Variants in FHOD3 observed in about 807,000 individuals in gnomAD.
FHOD3 encodes FH1/FH2 domain-containing protein 3.
FHOD3 carries 90 observed loss-of-function variants against 173.0 expected under a neutral mutation model. That is an observed-to-expected ratio of 0.52 (90% CI 0.44 to 0.62). FHOD3 has a LOEUF of 0.62. FHOD3 is among the 20% of genes least tolerant of loss of function. FHOD3 has a pLI of 0.00. For synonymous variants in FHOD3, 828 were observed against 823.0 expected (o/e 1.01, Z -0.10); for missense variants, 1,945 against 2,034.7 (o/e 0.96, Z 0.85).
intron 27 of FHOD3, among the ~76,000 whole-genome samples, chr18:36,761,667 A>G (rs1396854932): frequency 1.3e-5 from 2 of 151,858 alleles, no homozygotes; most frequent in African/African-American, 4.8e-5. Context: ...TCCTCTGGGC[A>G]CTGTCCCTAT....
rs74601605 is a variant in FHOD3 at position 36,518,946 on chromosome 18, G to A, written c.511+6403G>A. Among the ~76,000 whole-genome samples the A allele has an allele frequency of 6.2e-3, 951 of 152,322 alleles. 10 individuals are homozygous for A. The highest frequency in any genetic ancestry group is 0.022 in the African/African-American group (900 of 41,560). On this transcript the variant is annotated intron_variant, in intron 5 of 28. Coordinates refer to ENST00000590592, the MANE Select transcript of FHOD3 (RefSeq NM_001281740.3). ...CAGGGTGAACCAGCCACACTGCCCA[G>A]GAGTATGGTCAGGGGCAGGGAAGCT...
intron 7 of FHOD3, among the ~76,000 whole-genome samples, chr18:36,596,321 A>ATTTTTTTTTTTTTT (rs539907617): frequency 2.4e-4 from 14 of 57,494 alleles, no homozygotes; most frequent in South Asian, 9.4e-4. Flanking sequence ...TGCCCAGCTA[A>ATTTTTTTTTTTTTT]TTTTTTTTTT....
chr18:36,415,231 T>C (rs1428301034), intron 3 of FHOD3, among the ~76,000 whole-genome samples: 1 of 152,164 alleles, frequency 6.6e-6, no homozygotes, highest in Admixed American at 6.5e-5. Context: ...AATTCTGTGG[T>C]TAGTGCTAAT....
chr18:36,728,041 G>T (rs2041167048), intron 19 of FHOD3, among the ~76,000 whole-genome samples: 1 of 152,182 alleles, frequency 6.6e-6, no homozygotes, highest in Non-Finnish European at 1.5e-5. Flanking sequence ...GGAAGAAGGG[G>T]GATGAGCACA....
At chr18:36,298,034 ACTCAGCCC>A in intron 1 of FHOD3, 34 bp downstream of exon 1, 2 of 1,446,344 alleles carry the variant, frequency 1.4e-6, no homozygotes, top group Non-Finnish European at 1.8e-6. Flanking sequence ...GGCCCCCTGG[ACTCAGCCC>A]CCTGCCGCGG....
intron 3 of FHOD3, among the ~76,000 whole-genome samples, chr18:36,447,988 T>G (rs993876688): frequency 2.0e-5 from 3 of 152,104 alleles, no homozygotes; most frequent in African/African-American, 4.8e-5. Context: ...CTTTTGTGCC[T>G]TTGGACTTTT....
chr18:36,675,653 G>A (rs1220479856), intron 14 of FHOD3, among the ~76,000 whole-genome samples: 7 of 152,182 alleles, frequency 4.6e-5, no homozygotes, highest in Non-Finnish European at 1.0e-4. Context: ...AAACTCCTCT[G>A]TAGGTCCTTA....
At chr18:36,750,287 C>CA (rs908300096) in intron 24 of FHOD3, among the ~76,000 whole-genome samples, 3 of 151,858 alleles carry the variant, frequency 2.0e-5, no homozygotes, top group African/African-American at 7.3e-5. Flanking sequence ...GACTCCATCT[C>CA]AAAAAAAGAA....
intron 3 of FHOD3, among the ~76,000 whole-genome samples, chr18:36,390,550 C>T (rs1249544860): frequency 6.6e-6 from 1 of 152,192 alleles, no homozygotes; most frequent in Non-Finnish European, 1.5e-5. Flanking sequence ...TTTCTGCAAG[C>T]ACATTCTGTA....
chr18:36,444,334 C>T (rs1722872679), intron 3 of FHOD3, among the ~76,000 whole-genome samples: 1 of 151,698 alleles, frequency 6.6e-6, no homozygotes, highest in African/African-American at 2.4e-5. Flanking sequence ...ATTTGTAATA[C>T]AGTTAGATTC....
At chr18:36,315,523 C>T (rs1043439241) in intron 1 of FHOD3, among the ~76,000 whole-genome samples, 1 of 151,878 alleles carries the variant, frequency 6.6e-6, no homozygotes, top group African/African-American at 2.4e-5. Flanking sequence ...GGGGCTCCTG[C>T]AGAGGGCATG....
At chr18:36,369,425 GTTTTA>G (rs1237528571) in intron 2 of FHOD3, among the ~76,000 whole-genome samples, 2 of 121,908 alleles carry the variant, frequency 1.6e-5, no homozygotes, top group Non-Finnish European at 3.4e-5. Flanking sequence ...GATGTCCTTT[GTTTTA>G]TTTTATTTAA....
At chr18:36,718,934 A>G (rs2040609903) in intron 19 of FHOD3, among the ~76,000 whole-genome samples, 1 of 152,204 alleles carries the variant, frequency 6.6e-6, no homozygotes, top group South Asian at 2.1e-4. Context: ...CAGCTTACTT[A>G]TATTAGGCAA....
chr18:36,583,453 T>C (rs1017631795), intron 6 of FHOD3, among the ~76,000 whole-genome samples: 4 of 152,206 alleles, frequency 2.6e-5, no homozygotes, highest in African/African-American at 9.7e-5. Flanking sequence ...TTTTCCCTTC[T>C]CCTCCCCCAC....
intron 3 of FHOD3, among the ~76,000 whole-genome samples, chr18:36,438,117 A>G (rs920842114): frequency 6.6e-6 from 1 of 152,114 alleles, no homozygotes; most frequent in African/African-American, 2.4e-5. Flanking sequence ...GAAGACCTCA[A>G]ATTGCTCCAC....
intron 27 of FHOD3, among the ~76,000 whole-genome samples, 162 bp from the exon 28 acceptor site, chr18:36,769,103 C>T (rs532881845): frequency 2.0e-5 from 3 of 152,330 alleles, no homozygotes; most frequent in East Asian, 3.9e-4. Context: ...GCAGTGGGGA[C>T]AGGTTAGCCC....
At chr18:36,734,441 C>T (rs1264954009) in intron 20 of FHOD3, among the ~76,000 whole-genome samples, 1 of 152,146 alleles carries the variant, frequency 6.6e-6, no homozygotes, top group African/African-American at 2.4e-5. Flanking sequence ...AGCAAAATCA[C>T]CCTGGTTGAG....
intron 17 of FHOD3, among the ~76,000 whole-genome samples, chr18:36,697,569 C>G (rs1203157031): frequency 6.6e-6 from 1 of 152,168 alleles, no homozygotes; most frequent in Non-Finnish European, 1.5e-5. Flanking sequence ...ATACGTTTGA[C>G]AGTGATTTTT....
chr18:36,704,333 GTTT>G (rs2039752215), intron 17 of FHOD3, among the ~76,000 whole-genome samples: 1 of 152,216 alleles, frequency 6.6e-6, no homozygotes, highest in South Asian at 2.1e-4. Context: ...ACAGATCCCA[GTTT>G]TGGATGCCTG....
Sources: gnomAD v4.1 joint callset for allele counts (sites outside exome capture counted in the v4.1 genomes callset) on GRCh38, gnomAD v4.1.1 for gene constraint, MANE v1.5 for transcripts, NCBI Gene and HGNC (gene_info 2026-07-23, HGNC 2026-07-21) for gene names.